The following IL17B variants were observed in gnomAD, a reference collection of about 807,000 sequenced individuals.
IL17B encodes interleukin 17B.
In IL17B, 14 loss-of-function variants were observed where a neutral mutation model predicts 14.7. The observed-to-expected ratio is 0.95, with a 90% CI of 0.63 to 1.49. IL17B has a LOEUF of 1.49. Ranked by LOEUF, IL17B falls within the 40% of genes most tolerant of loss-of-function variation. The pLI, the probability that IL17B is intolerant of heterozygous loss-of-function variation, is 0.00. For synonymous variants in IL17B, 105 were observed against 94.8 expected (o/e 1.11, Z -0.62); for missense variants, 233 against 252.8 (o/e 0.92, Z 0.53).
intron 1 of IL17B, among the ~76,000 whole-genome samples, chr5:149,390,596 C>G (rs1014798848): frequency 7.9e-6 from 1 of 126,540 alleles, no homozygotes; most frequent in African/African-American, 3.0e-5. Context: ...AGCACACACA[C>G]ACACACACAC....
At chr5:149,383,999 C>A (rs1052389904), upstream of IL17B, among the ~76,000 whole-genome samples, 16 of 152,310 alleles carry the variant, frequency 1.1e-4, no homozygotes, top group African/African-American at 3.8e-4. Context: ...TAGCACTCAC[C>A]ACCCACAGGC....
intron 1 of IL17B, among the ~76,000 whole-genome samples, chr5:149,403,912 C>A (rs1759262830): frequency 6.6e-6 from 1 of 152,182 alleles, no homozygotes; most frequent in South Asian, 2.1e-4. Context: ...TCAAGGTCTT[C>A]CTTGGTCACT....
upstream of IL17B, among the ~76,000 whole-genome samples, chr5:149,380,299 C>T (rs1758657233): frequency 6.6e-6 from 1 of 152,212 alleles, no homozygotes; most frequent in Non-Finnish European, 1.5e-5. Context: ...TAGCTGGCAA[C>T]AGTACCTGGC....
chr5:149,376,453 A>G (rs948580306), intron 2 of IL17B, among the ~76,000 whole-genome samples: 2 of 152,226 alleles, frequency 1.3e-5, no homozygotes, highest in Non-Finnish European at 2.9e-5. Context: ...CCTTGCAGGC[A>G]CTTCCATGGA....
intron 1 of IL17B, among the ~76,000 whole-genome samples, chr5:149,390,630 C>CACACACACACAG (rs1491235916): frequency 0.017 from 2,182 of 131,802 alleles, 26 homozygotes; most frequent in East Asian, 0.029. Context: ...CACACACACA[C>CACACACACACAG]AGAGATACAC....
chr5:149,378,300 TC>T (rs1242819127), intron 1 of IL17B, among the ~76,000 whole-genome samples: 1 of 152,082 alleles, frequency 6.6e-6, no homozygotes, highest in Non-Finnish European at 1.5e-5. Context: ...CCTTCCCTCT[TC>T]CAGCCATCCC....
intron 1 of IL17B, among the ~76,000 whole-genome samples, chr5:149,397,025 T>C (rs1380311572): frequency 6.6e-6 from 1 of 152,224 alleles, no homozygotes; most frequent in Non-Finnish European, 1.5e-5. Flanking sequence ...TCTTTGATAT[T>C]TGAAATACTC....
chr5:149,374,395 C>T lies in IL17B; in HGVS notation c.517G>A (p.Ala173Thr), dbSNP rs761086057. The change falls in exon 3 of 3, where the codon GCT becomes ACT. Residue 173 changes from alanine (A) to threonine (T), a missense_variant. Transcript: ENST00000261796. This position sits in a 1 kb window ranked among gnomAD's most constrained non-coding sequence, Gnocchi z 5.0. ...CAGAAGATGCAGGTGCAGCCCACAG[C>T]GATGGTCTCCATGACTGCGCGCTGG... ...CRQRAVMETI[A>T]VGCTCIF 5.7e-6 allele frequency: 9 copies of T among 1,590,664 alleles called. No homozygotes were observed. The highest frequency in any genetic ancestry group is 6.8e-6 in the Non-Finnish European group (8 of 1,170,132).
chr5:149,391,133 A>G (rs1758943284), intron 1 of IL17B, among the ~76,000 whole-genome samples: 1 of 152,076 alleles, frequency 6.6e-6, no homozygotes, highest in Admixed American at 6.5e-5. Flanking sequence ...TCCCCAGCTA[A>G]TTTTTGTATT....
At chr5:149,390,882 A>G (rs1758935918) in intron 1 of IL17B, among the ~76,000 whole-genome samples, 1 of 152,062 alleles carries the variant, frequency 6.6e-6, no homozygotes. Context: ...AATTTTTTTA[A>G]TAAACTGTTA....
chr5:149,376,226 G>C (rs144137036), intron 2 of IL17B, among the ~76,000 whole-genome samples: 1 of 152,218 alleles, frequency 6.6e-6, no homozygotes, highest in Non-Finnish European at 1.5e-5. Flanking sequence ...GCAGCCTGCT[G>C]TGCGCCCTGA....
At chr5:149,383,850 G>T (rs1274360977), upstream of IL17B, among the ~76,000 whole-genome samples, 2 of 152,236 alleles carry the variant, frequency 1.3e-5, no homozygotes, top group Admixed American at 1.3e-4. Flanking sequence ...TGTGAGTTGG[G>T]GTAGGACTCC....
intron 1 of IL17B, among the ~76,000 whole-genome samples, chr5:149,396,314 A>G (rs1433478292): frequency 6.6e-6 from 1 of 152,264 alleles, no homozygotes; most frequent in African/African-American, 2.4e-5. Context: ...CCTAACAGGG[A>G]CATGAATTGT....
intron 1 of IL17B, among the ~76,000 whole-genome samples, chr5:149,399,571 G>A (rs1158578328): frequency 6.6e-6 from 1 of 152,150 alleles, no homozygotes; most frequent in Non-Finnish European, 1.5e-5. Context: ...TACGAAGTTA[G>A]TTCCCAGCAT....
intron 1 of IL17B, among the ~76,000 whole-genome samples, chr5:149,387,872 CAGA>C (rs1424575065): frequency 2.0e-5 from 3 of 151,514 alleles, no homozygotes; most frequent in South Asian, 4.2e-4. Flanking sequence ...AAGTATTTTA[CAGA>C]AGAAGAAATT....
At chr5:149,392,902 G>T (rs1759003259) in intron 1 of IL17B, among the ~76,000 whole-genome samples, 1 of 152,076 alleles carries the variant, frequency 6.6e-6, no homozygotes, top group African/African-American at 2.4e-5. Context: ...CACAGTCTCT[G>T]CATCTGTGTA....
chr5:149,398,078 T>G (rs901859837), intron 1 of IL17B, among the ~76,000 whole-genome samples: 2 of 152,196 alleles, frequency 1.3e-5, no homozygotes, highest in African/African-American at 4.8e-5. Flanking sequence ...TAGATAGCCC[T>G]TCATCCAGTC....
chr5:149,396,393 G>A (rs1057221990), intron 1 of IL17B, among the ~76,000 whole-genome samples: 1 of 152,194 alleles, frequency 6.6e-6, no homozygotes, highest in African/African-American at 2.4e-5. Flanking sequence ...CCAAAGTGAA[G>A]CATGTGCTAG....
At chr5:149,392,707 A>G (rs1561716781) in intron 1 of IL17B, among the ~76,000 whole-genome samples, 1 of 152,240 alleles carries the variant, frequency 6.6e-6, no homozygotes, top group Non-Finnish European at 1.5e-5. Context: ...ATGTATAGAT[A>G]TTATCTATTC....
Sources: gnomAD v4.1 joint callset for allele counts (sites outside exome capture counted in the v4.1 genomes callset) on GRCh38, gnomAD v4.1.1 for gene constraint, Gnocchi (gnomAD v3.1) non-coding constraint, MANE v1.5 for transcripts, NCBI Gene and HGNC (gene_info 2026-07-23, HGNC 2026-07-21) for gene names.